Variants in NT5DC4 observed in about 807,000 individuals in gnomAD.
NT5DC4 encodes the protein 5'-nucleotidase domain-containing protein 4.
In NT5DC4, 44 loss-of-function variants were observed where a neutral mutation model predicts 26.6. That is an observed-to-expected ratio of 1.65 (90% confidence interval 1.30 to 2.13). NT5DC4 has a LOEUF of 2.13. NT5DC4 is among the 30% of genes most tolerant of loss of function. NT5DC4 has a pLI of 0.00. For missense variants in NT5DC4, 399 were observed against 228.1 expected, an observed-to-expected ratio of 1.75 and a Z score of -4.83; for synonymous variants, 157 against 86.7, an observed-to-expected ratio of 1.81 and a Z score of -4.51.
At chr2:112,726,626 G>A (rs1259076083) in intron 14 of NT5DC4, 52 bp from the exon 15 acceptor site, 1 of 717,424 alleles carries the variant, frequency 1.4e-6, no homozygotes, top group Non-Finnish European at 2.6e-6. Flanking sequence ...GACTGTCCTG[G>A]CACTCGGAGG....
At chr2:112,740,337 C>A (rs1417937349), downstream of NT5DC4, among the ~76,000 whole-genome samples, 1 of 152,166 alleles carries the variant, frequency 6.6e-6, no homozygotes, top group Admixed American at 6.5e-5. Context: ...TGGTGCTACA[C>A]TCACATTTTA....
Position 112,729,694 on chromosome 2 carries a change from G to T in NT5DC4, c.1334G>T (p.Cys445Phe), listed in dbSNP as rs1558737568. 1.4e-6 allele frequency: 1 copy of T among 717,810 alleles called. No individual in the cohort carries two copies. Among genetic ancestry groups the T allele is most frequent in the Non-Finnish European group, 2.6e-6 (1 of 385,154 alleles). The allele number at this position is 717,810 out of a possible 1,614,324, so 44.5% of individuals were successfully genotyped here. A position where few individuals can be genotyped will look rare whatever the true frequency, so the allele number is the denominator to read the frequency against. ...NLDPASCLLS[C>F]NQRFIKRSHY ...GACCCTGCCTCCTGCCTCCTCTCCT[G>T]CAACCAGAGGGTGAGTGGCTGTGGC... The change falls in exon 16 of 17, where the codon TGC becomes TTC. Residue 445 changes from cysteine (C) to phenylalanine (F), a missense_variant. Cys to Phe is a radical substitution (Grantham distance 205). Transcript: ENST00000688554.
At position 112,723,888 on chromosome 2, in the gene NT5DC4, G is replaced by A. The variant is rs986231210; in HGVS notation, c.756+86G>A. 51 of 700,674 alleles carry A rather than the reference G, an allele frequency of 7.3e-5. 1 individual carries two copies. Among genetic ancestry groups the A allele is most frequent in the African/African-American group, 4.4e-4 (25 of 57,130 alleles). The allele number at this position is 700,674 out of a possible 1,614,324, so 43.4% of individuals were successfully genotyped here. Reference sequence around the variant, plus strand: ...GGCACTGCAAGCAACAGGGAGGGGTGGGGCGGGGAGCCAAGACCCTCCTAC... The same window carrying A: ...GGCACTGCAAGCAACAGGGAGGGGTAGGGCGGGGAGCCAAGACCCTCCTAC... On this transcript the variant is annotated intron_variant, in intron 9 of 16. Transcript: ENST00000688554.
chr2:112,723,906 C>A (rs748831454), intron 9 of NT5DC4, 104 bp downstream of exon 9: 29 of 691,360 alleles, frequency 4.2e-5, no homozygotes, highest in Non-Finnish European at 7.3e-5. Flanking sequence ...GAGCCAAGAC[C>A]CTCCTACCCC....
At chr2:112,730,411 T>A (rs1250584243) in intron 16 of NT5DC4, among the ~76,000 whole-genome samples, 1 of 151,460 alleles carries the variant, frequency 6.6e-6, no homozygotes, top group Non-Finnish European at 1.5e-5. Context: ...CCCTACGGAC[T>A]GCTGTTGGCC....
chr2:112,723,043 C>G (rs1329215174), intron 6 of NT5DC4, 38 bp from the exon 7 acceptor site: 1 of 690,512 alleles, frequency 1.4e-6, no homozygotes, highest in Admixed American at 2.1e-5. Flanking sequence ...TTTCAGGCCC[C>G]CTTATTGGCC....
chr2:112,721,132 C>T lies in NT5DC4; in HGVS notation c.53C>T (p.Pro18Leu), dbSNP rs1036412439. Among the ~76,000 whole-genome samples the T allele has an allele frequency of 1.3e-5, 2 of 152,130 alleles. No homozygotes were observed. The highest frequency in any genetic ancestry group is 2.9e-5 in the Non-Finnish European group (2 of 68,016). The change falls in exon 1 of 17, where the codon CCG (proline) becomes CTG (leucine). Residue 18 changes from proline to leucine, a missense_variant. By Grantham distance (98) the Pro-to-Leu change is moderately conservative. Coordinates refer to ENST00000688554, the MANE Select transcript of NT5DC4 (RefSeq NM_001393655.1). Reference sequence around the variant, plus strand: ...GAGGGACTGGTCTCCCCTCAAGGCCCGAAGCAGGACTGGCACCAGCGGTGA... The same window carrying T: ...GAGGGACTGGTCTCCCCTCAAGGCCTGAAGCAGGACTGGCACCAGCGGTGA... ...EPEGLVSPQG[P>L]KQDWHQRIFV...
chr2:112,731,078 A>G (rs931888463), intron 16 of NT5DC4: 8 of 152,106 alleles, frequency 5.3e-5, no homozygotes, highest in Admixed American at 5.2e-4. Flanking sequence ...TGTTTCTTAT[A>G]AGGGTTAGGG....
chr2:112,719,678 G>T (rs917245764), upstream of NT5DC4, among the ~76,000 whole-genome samples: 1 of 151,694 alleles, frequency 6.6e-6, no homozygotes, highest in African/African-American at 2.4e-5. Context: ...TAGAGATGGG[G>T]TTTCACCGTG....
At chr2:112,739,948 G>GC (rs1405844243), downstream of NT5DC4, among the ~76,000 whole-genome samples, 1 of 151,984 alleles carries the variant, frequency 6.6e-6, no homozygotes, top group African/African-American at 2.4e-5. Flanking sequence ...GCCACCATGT[G>GC]CCCAGCCTTT....
At chr2:112,719,968 TTC>T (rs767189426), upstream of NT5DC4, among the ~76,000 whole-genome samples, 185 of 120,918 alleles carry the variant, frequency 1.5e-3, no homozygotes, top group African/African-American at 4.5e-3. Flanking sequence ...CTTTCTTTCT[TTC>T]TTTCTTTCTT....
chr2:112,719,481 CTTTTTTTTTTT>C (rs57789268), upstream of NT5DC4, among the ~76,000 whole-genome samples: 3 of 101,290 alleles, frequency 3.0e-5, no homozygotes, highest in Non-Finnish European at 3.7e-5. Flanking sequence ...ACTTGTCTGT[CTTTTTTTTTTT>C]TTTTTTTTTT....
At chr2:112,719,121 C>A (rs938836398), upstream of NT5DC4, among the ~76,000 whole-genome samples, 1 of 152,242 alleles carries the variant, frequency 6.6e-6, no homozygotes, top group African/African-American at 2.4e-5. Context: ...GATGGTACAG[C>A]CTACTACACA....
upstream of NT5DC4, among the ~76,000 whole-genome samples, chr2:112,718,979 A>G (rs1363795974): frequency 1.3e-5 from 2 of 152,182 alleles, no homozygotes; most frequent in Non-Finnish European, 2.9e-5. Flanking sequence ...CATATCCTAC[A>G]GCCTCCATAT....
chr2:112,739,018 C>G lies in NT5DC4; in HGVS notation c.*82C>G. On this transcript the variant is annotated 3_prime_UTR_variant, in exon 17 of 17. Transcript: ENST00000688554. ...AACGCCGTACAGGAGTGATAAATTT[C>G]ATGTCTTGCACTTCCGGCATCCCAT... The G allele has an allele frequency of 1.2e-6, 2 of 1,614,140 alleles. No homozygotes were observed. Among genetic ancestry groups the G allele is most frequent in the South Asian group, 2.2e-5 (2 of 91,072 alleles).
intron 15 of NT5DC4, among the ~76,000 whole-genome samples, chr2:112,728,007 T>C (rs577389169): frequency 6.6e-6 from 1 of 152,364 alleles, no homozygotes; most frequent in Non-Finnish European, 1.5e-5. Flanking sequence ...CACGGCTGTT[T>C]GTGAACATTT....
chr2:112,741,755 A>G (rs1464243455), downstream of NT5DC4, among the ~76,000 whole-genome samples: 1 of 151,972 alleles, frequency 6.6e-6, no homozygotes, highest in East Asian at 1.9e-4. Context: ...ATTGTTCCCC[A>G]GTTAAATCTA....
Position 112,723,394 on chromosome 2 carries a change from C to CACACACACACACACACAG in NT5DC4, c.622-23_622-22insCACACACACACACACAGA, listed in dbSNP as rs752115339. On this transcript the variant is annotated intron_variant, in intron 7 of 16. Transcript: ENST00000688554. ...ACACACACACACACACACACACACA[C>CACACACACACACACACAG]AGGCACTTTGCTCCCTCCTGCAGGG... The CACACACACACACACACAG allele has an allele frequency of 3.8e-4, 275 of 716,028 alleles. No homozygotes were observed. In the African/African-American group the frequency reaches 4.5e-3, roughly 12 times the overall value. 44.4% of individuals were successfully genotyped at this position (716,028 alleles called of 1,614,324 possible).
At chr2:112,731,757 C>CATT (rs1558740065) in intron 16 of NT5DC4, 1 of 152,022 alleles carries the variant, frequency 6.6e-6, no homozygotes, top group East Asian at 1.9e-4. Context: ...TCTGTGGAGA[C>CATT]CTAGGTTGAA....
Sources: gnomAD v4.1 joint callset for allele counts (sites outside exome capture counted in the v4.1 genomes callset) on GRCh38, gnomAD v4.1.1 for gene constraint, MANE v1.5 for transcripts, NCBI Gene and HGNC (gene_info 2026-07-23, HGNC 2026-07-21) for gene names.